The following ARHGAP21 variants were observed in gnomAD, a reference collection of about 807,000 sequenced individuals.
ARHGAP21 encodes Rho GTPase activating protein 21.
Under a neutral mutation model 164.6 loss-of-function variants are expected in ARHGAP21, and 38 were observed. That is an observed-to-expected ratio of 0.23 (90% CI 0.18 to 0.30). The LOEUF (loss-of-function observed/expected upper bound fraction) is 0.30. ARHGAP21 is among the 10% of genes least tolerant of loss of function. The pLI is 1.00. For missense variants in ARHGAP21, 1,822 were observed against 2,370.7 expected, an observed-to-expected ratio of 0.77 and a Z score of 4.81; for synonymous variants, 766 against 857.9, an observed-to-expected ratio of 0.89 and a Z score of 1.87.
intron 9 of ARHGAP21, among the ~76,000 whole-genome samples, chr10:24,614,756 C>A (rs1286459516): frequency 7.6e-6 from 1 of 132,180 alleles, no homozygotes; most frequent in Non-Finnish European, 1.5e-5. Context: ...GCACTCCAGG[C>A]TGGGTGACAG....
intron 2 of ARHGAP21, 83 bp from the exon 3 acceptor site, chr10:24,670,480 T>C: frequency 1.1e-6 from 1 of 907,620 alleles, no homozygotes; most frequent in Non-Finnish European, 1.5e-6. Flanking sequence ...AAAATGTTAA[T>C]ACCTGAGCGC....
chr10:24,612,029 G>A (rs953739593), intron 9 of ARHGAP21, among the ~76,000 whole-genome samples: 1 of 152,176 alleles, frequency 6.6e-6, no homozygotes, highest in African/African-American at 2.4e-5. Context: ...GGTGAGCTGA[G>A]TTATGAGGCA....
chr10:24,653,529 C>T (rs1464012915), intron 4 of ARHGAP21, among the ~76,000 whole-genome samples: 4 of 151,484 alleles, frequency 2.6e-5, no homozygotes, highest in East Asian at 1.9e-4. Flanking sequence ...GCTGAGATCG[C>T]GCCACTGTAC....
At chr10:24,594,748 G>T (rs991038651) in intron 21 of ARHGAP21, among the ~76,000 whole-genome samples, 4 of 152,066 alleles carry the variant, frequency 2.6e-5, no homozygotes, top group Admixed American at 6.5e-5. Context: ...AACCATAAAA[G>T]AAATCTTTTA....
At chr10:24,631,861 T>C (rs1835885715) in intron 6 of ARHGAP21, among the ~76,000 whole-genome samples, 1 of 152,134 alleles carries the variant, frequency 6.6e-6, no homozygotes, top group Non-Finnish European at 1.5e-5. Context: ...CCCAAGTATC[T>C]GGGACAACAG....
At chr10:24,628,984 T>TATA (rs59168164) in intron 7 of ARHGAP21, 29 of 12,916 alleles carry the variant, frequency 2.2e-3, no homozygotes, top group East Asian at 2.8e-3. Flanking sequence ...ATATATATAT[T>TATA]TTTTTTTTTT....
chr10:24,590,689 A>G (rs2130756986), intron 24 of ARHGAP21: 1 of 1,325,000 alleles, frequency 7.5e-7, no homozygotes, highest in African/African-American at 1.5e-5. Context: ...AAACAGAAGA[A>G]AATAAATGTC....
chr10:24,717,227 G>T (rs899563282), intron 2 of ARHGAP21, among the ~76,000 whole-genome samples: 3 of 152,154 alleles, frequency 2.0e-5, no homozygotes, highest in African/African-American at 7.2e-5. Context: ...CAACGAGGAA[G>T]GAAGATAATC....
intron 1 of ARHGAP21, chr10:24,723,202 T>G (rs980637829): frequency 1.3e-5 from 2 of 150,256 alleles, no homozygotes; most frequent in African/African-American, 4.9e-5. Context: ...GGCGGCGAGC[T>G]GAAGCGGAGA....
intron 4 of ARHGAP21, among the ~76,000 whole-genome samples, chr10:24,653,628 C>A (rs1838449002): frequency 6.6e-6 from 1 of 151,954 alleles, no homozygotes; most frequent in Admixed American, 6.6e-5. Context: ...CTATGCTGCC[C>A]AAGATGGCCT....
chr10:24,655,042 G>C (rs1174663868), intron 4 of ARHGAP21, among the ~76,000 whole-genome samples: 2 of 152,174 alleles, frequency 1.3e-5, no homozygotes, highest in African/African-American at 4.8e-5. Flanking sequence ...TTTAATAAAA[G>C]GTGCTGGGAA....
At chr10:24,603,461 T>G (rs1354418613) in intron 12 of ARHGAP21, among the ~76,000 whole-genome samples, 1 of 151,502 alleles carries the variant, frequency 6.6e-6, no homozygotes, top group Non-Finnish European at 1.5e-5. Context: ...TGAAAAGGAG[T>G]AGTGAATAAA....
chr10:24,711,115 AGGG>A (rs1844754883), intron 2 of ARHGAP21, among the ~76,000 whole-genome samples: 3 of 81,580 alleles, frequency 3.7e-5, no homozygotes, highest in African/African-American at 1.4e-4. Flanking sequence ...AAAAAAAAAA[AGGG>A]AAGGAAGGAA....
chr10:24,612,369 TTA>T (rs2077301110), intron 9 of ARHGAP21, among the ~76,000 whole-genome samples: 1 of 152,164 alleles, frequency 6.6e-6, no homozygotes, highest in South Asian at 2.1e-4. Flanking sequence ...TAACCTAAAA[TTA>T]TATATGTGGT....
intron 9 of ARHGAP21, among the ~76,000 whole-genome samples, chr10:24,611,940 C>A (rs1280772739): frequency 6.6e-6 from 1 of 152,102 alleles, no homozygotes; most frequent in African/African-American, 2.4e-5. Context: ...AGCACCCTGA[C>A]AAATGTGCAT....
intron 25 of ARHGAP21, among the ~76,000 whole-genome samples, chr10:24,588,672 AACTTTCT>A (rs1259411997): frequency 1.2e-4 from 18 of 152,150 alleles, no homozygotes; most frequent in Non-Finnish European, 2.4e-4. Flanking sequence ...CTTGACAAAA[AACTTTCT>A]AAGAACTATA....
intron 4 of ARHGAP21, among the ~76,000 whole-genome samples, chr10:24,657,086 C>CT (rs1839097561): frequency 2.0e-5 from 1 of 49,808 alleles, no homozygotes; most frequent in South Asian, 8.9e-4. Context: ...GTCAGCCCCC[C>CT]GCCCGGCCAG....
At chr10:24,645,426 A>G (rs543939044) in intron 4 of ARHGAP21, among the ~76,000 whole-genome samples, 75 of 152,150 alleles carry the variant, frequency 4.9e-4, no homozygotes, top group African/African-American at 1.7e-3. Flanking sequence ...ACTAAAAAAA[A>G]TACAAAAATT....
chr10:24,689,116 T>C (rs1842477497), intron 2 of ARHGAP21, among the ~76,000 whole-genome samples: 1 of 152,138 alleles, frequency 6.6e-6, no homozygotes, highest in African/African-American at 2.4e-5. Flanking sequence ...ATACAGACAC[T>C]GAGTCCCTGA....
Sources: allele counts gnomAD v4.1 joint callset (sites outside exome capture counted in the v4.1 genomes callset), GRCh38; gene constraint gnomAD v4.1.1; transcripts MANE v1.5; gene names NCBI Gene and HGNC (gene_info 2026-07-23, HGNC 2026-07-21).